Variants in PRKAA2 observed in about 807,000 individuals in gnomAD.
The protein encoded by PRKAA2 is protein kinase AMP-activated catalytic subunit alpha 2, also known as 5'-AMP-activated protein kinase catalytic subunit alpha-2.
PRKAA2 carries 40 observed loss-of-function variants against 56.3 expected under a neutral mutation model. The observed-to-expected ratio is 0.71, with a 90% CI of 0.55 to 0.92. The LOEUF (loss-of-function observed/expected upper bound fraction) is 0.92. Among genes scored for constraint, PRKAA2 ranks in the 40% least tolerant of loss-of-function variants. PRKAA2 has a pLI of 0.00. For synonymous variants in PRKAA2, 214 were observed against 234.2 expected (o/e 0.91, Z 0.79); for missense variants, 542 against 686.9 (o/e 0.79, Z 2.36).
Position 56,674,364 on chromosome 1 carries a change from CT to C in PRKAA2, c.95-12del. On this transcript the variant is annotated splice_polypyrimidine_tract_variant and intron_variant, in intron 1 of 8. Transcript: ENST00000371244. ...TTGATATGATAGCACATTTTTTTTC[CT>C]TTTTCTTTTCTTTAGTTGGAGAACA... is the stretch of plus-strand genomic sequence containing the variant. The C allele has an allele frequency of 6.6e-7, 1 of 1,515,244 alleles. No individual in the cohort carries two copies. The highest frequency in any genetic ancestry group is 2.4e-5 in the Admixed American group (1 of 41,166). The allele number at this position is 1,515,244 out of a possible 1,614,324, so 93.9% of individuals were successfully genotyped here. A position where few individuals can be genotyped will look rare whatever the true frequency, so the allele number is the denominator to read the frequency against.
In PRKAA2 at chr1:56,681,699, T is replaced by G. The variant is rs566340710; in HGVS notation, c.236+7177T>G. 3.4e-3 allele frequency among the ~76,000 whole-genome samples: 524 copies of G among 152,340 alleles called. 7 individuals are homozygous for G. The highest frequency in any genetic ancestry group is 0.012 in the African/African-American group (495 of 41,560). On this transcript the variant is annotated intron_variant, in intron 2 of 8. Transcript: ENST00000371244. ...GGTATTATTTCTGAGGCCTCTGCTC[T>G]GTTCCATTGGTCTATATCTCTGTTT...
At chr1:56,655,321 G>A (rs1400687320) in intron 1 of PRKAA2, among the ~76,000 whole-genome samples, 2 of 99,018 alleles carry the variant, frequency 2.0e-5, no homozygotes, top group Admixed American at 1.4e-4. Context: ...TCACTGTATT[G>A]TTCAGGTAGT....
At chr1:56,682,266 A>T (rs1644160601) in intron 2 of PRKAA2, among the ~76,000 whole-genome samples, 1 of 152,146 alleles carries the variant, frequency 6.6e-6, no homozygotes, top group African/African-American at 2.4e-5. Flanking sequence ...TTTTAGGTAA[A>T]GATAAGTGCT....
At chr1:56,683,956 G>A (rs1644173611) in intron 2 of PRKAA2, among the ~76,000 whole-genome samples, 1 of 152,152 alleles carries the variant, frequency 6.6e-6, no homozygotes, top group Non-Finnish European at 1.5e-5. Context: ...GACTGTAGGT[G>A]AGCAAGAGTT....
At chr1:56,675,108 T>C (rs1237911417) in intron 2 of PRKAA2, among the ~76,000 whole-genome samples, 1 of 152,056 alleles carries the variant, frequency 6.6e-6, no homozygotes, top group Non-Finnish European at 1.5e-5. Context: ...GATAAGTAAT[T>C]GAAAGATAAA....
At chr1:56,695,506 G>C (rs1644253649) in intron 5 of PRKAA2, among the ~76,000 whole-genome samples, 1 of 151,922 alleles carries the variant, frequency 6.6e-6, no homozygotes, top group Non-Finnish European at 1.5e-5. Flanking sequence ...ATTCTTTAAA[G>C]GTGTGCCAGG....
In PRKAA2 at chr1:56,645,501, C is replaced by T. The variant is rs1463263758; in HGVS notation, c.94+20C>T. The stretch of plus-strand genomic sequence containing the variant: ...TGAAGAGTTGAGTACGCGCTCCGGA[C>T]CGCTGTGCGGGGCTGCCTGACTTGC... On this transcript the variant is annotated intron_variant, in intron 1 of 8. Coordinates refer to ENST00000371244, the MANE Select transcript of PRKAA2 (RefSeq NM_006252.4). The T allele has an allele frequency of 3.4e-6, 5 of 1,458,914 alleles. No homozygotes were observed. Among genetic ancestry groups the T allele is most frequent in the Non-Finnish European group, 4.6e-6 (5 of 1,095,706 alleles). 90.4% of individuals were successfully genotyped at this position (1,458,914 alleles called of 1,614,324 possible). A position where few individuals can be genotyped will look rare whatever the true frequency, so the allele number is the denominator to read the frequency against.
At chr1:56,671,005 A>G (rs1644071360) in intron 1 of PRKAA2, among the ~76,000 whole-genome samples, 1 of 152,158 alleles carries the variant, frequency 6.6e-6, no homozygotes, top group Non-Finnish European at 1.5e-5. Flanking sequence ...TTTCTTGCAT[A>G]TGCTCGGCAA....
intron 1 of PRKAA2, among the ~76,000 whole-genome samples, chr1:56,654,339 C>T (rs1643925181): frequency 6.6e-6 from 1 of 151,868 alleles, no homozygotes; most frequent in Non-Finnish European, 1.5e-5. Flanking sequence ...AATAATAATA[C>T]CACCCCATTT....
intron 6 of PRKAA2, among the ~76,000 whole-genome samples, chr1:56,701,225 TTGC>T (rs937282915): frequency 5.9e-5 from 9 of 152,184 alleles, no homozygotes; most frequent in Non-Finnish European, 1.2e-4. Flanking sequence ...ACATAATTTT[TTGC>T]CTTCTTTTAC....
intron 1 of PRKAA2, among the ~76,000 whole-genome samples, chr1:56,648,863 G>A (rs77223803): frequency 6.6e-6 from 1 of 152,274 alleles, no homozygotes; most frequent in Non-Finnish European, 1.5e-5. Context: ...TTCATTGATG[G>A]AATGTCTGTT....
intron 1 of PRKAA2, among the ~76,000 whole-genome samples, chr1:56,664,296 G>T (rs1644017581): frequency 6.6e-6 from 1 of 151,874 alleles, no homozygotes; most frequent in African/African-American, 2.4e-5. Context: ...CTTTAATAGG[G>T]ACTCTTTTTA....
At chr1:56,685,615 G>T (rs906095013) in intron 2 of PRKAA2, among the ~76,000 whole-genome samples, 1 of 152,120 alleles carries the variant, frequency 6.6e-6, no homozygotes, top group Non-Finnish European at 1.5e-5. Context: ...ACACTACTTA[G>T]TCTTTCAAAT....
Position 56,696,056 on chromosome 1 carries a change from G to T in PRKAA2, c.685G>T (p.Gly229Cys). Reference protein sequence around the residue: ...VPTLFKKIRGGVFYIPEYLNR... With the variant: ...VPTLFKKIRGCVFYIPEYLNR... ...TACGTTATTTAAGAAGATCCGAGGGGGTGTCTTTTATATCCCAGAATATCT... is the reference window on the plus strand; with the variant it reads ...TACGTTATTTAAGAAGATCCGAGGGTGTGTCTTTTATATCCCAGAATATCT... Residue 229 changes from glycine (G) to cysteine (C), a missense_variant, in exon 6 of 9, where the codon GGT (glycine) becomes TGT (cysteine). By Grantham distance (159) the Gly-to-Cys change is radical. Around this residue, in one of 5 missense-constraint regions of PRKAA2, gnomAD observed 198 missense variants for 234.0 expected, o/e 0.85. Coordinates refer to ENST00000371244, the MANE Select transcript of PRKAA2 (RefSeq NM_006252.4). 6.2e-7 allele frequency: 1 copy of T among 1,612,362 alleles called. No homozygotes were observed.
intron 2 of PRKAA2, among the ~76,000 whole-genome samples, chr1:56,689,899 C>CAG (rs1644215882): frequency 3.3e-4 from 1 of 3,030 alleles, no homozygotes; most frequent in African/African-American, 1.1e-3. Context: ...GACACACAGA[C>CAG]ACACACACAC....
chr1:56,661,372 C>A (rs1643993166), intron 1 of PRKAA2, among the ~76,000 whole-genome samples: 1 of 152,166 alleles, frequency 6.6e-6, no homozygotes, highest in Non-Finnish European at 1.5e-5. Context: ...TTCCAACCTC[C>A]ACCCCACCAA....
chr1:56,691,528 A>G, intron 3 of PRKAA2, 41 bp downstream of exon 3: 1 of 1,486,846 alleles, frequency 6.7e-7, no homozygotes, highest in Admixed American at 1.8e-5. Context: ...CTCTAAACTA[A>G]TAAAAAGGAA....
chr1:56,687,072 T>C (rs1457306461), intron 2 of PRKAA2, among the ~76,000 whole-genome samples: 1 of 151,904 alleles, frequency 6.6e-6, no homozygotes, highest in African/African-American at 2.4e-5. Flanking sequence ...TTAGTAGACA[T>C]GGGGTTTCTC....
At chr1:56,686,887 T>C (rs74672395) in intron 2 of PRKAA2, among the ~76,000 whole-genome samples, 11 of 144,524 alleles carry the variant, frequency 7.6e-5, no homozygotes, top group African/African-American at 2.8e-4. Context: ...AATACTCTTT[T>C]TTTTTTTTTT....
Sources: gnomAD v4.1 joint callset for allele counts (sites outside exome capture counted in the v4.1 genomes callset) on GRCh38, gnomAD v4.1.1 for gene constraint, gnomAD v4.1.1 regional missense constraint, MANE v1.5 for transcripts, NCBI Gene and HGNC (gene_info 2026-07-23, HGNC 2026-07-21) for gene names.